The following LRRIQ3 variants were observed in gnomAD, a reference collection of about 807,000 sequenced individuals.
LRRIQ3 encodes leucine-rich repeat and IQ domain-containing protein 3.
In LRRIQ3, 75 loss-of-function variants were observed where a neutral mutation model predicts 59.3. The observed-to-expected ratio is 1.26, with a 90% CI of 1.05 to 1.53. LRRIQ3 has a LOEUF of 1.53. Among genes scored for constraint, LRRIQ3 ranks in the 40% most tolerant of loss-of-function variants. The pLI is 0.00. For synonymous variants in LRRIQ3, 250 were observed against 231.3 expected, an observed-to-expected ratio of 1.08 and a Z score of -0.73; for missense variants, 831 against 710.0, an observed-to-expected ratio of 1.17 and a Z score of -1.94.
intron 4 of LRRIQ3, among the ~76,000 whole-genome samples, chr1:74,126,603 T>C (rs1184405213): frequency 6.6e-6 from 1 of 151,990 alleles, no homozygotes; most frequent in Non-Finnish European, 1.5e-5. Context: ...AATCTGCTCA[T>C]TGACCCACTG....
At chr1:74,053,566 C>T (rs1287085861) in intron 6 of LRRIQ3, among the ~76,000 whole-genome samples, 4 of 151,940 alleles carry the variant, frequency 2.6e-5, no homozygotes, top group Non-Finnish European at 5.9e-5. Context: ...ACTGACTCAC[C>T]CCTGTAATCT....
At chr1:74,122,025 A>C (rs1646865328) in intron 4 of LRRIQ3, among the ~76,000 whole-genome samples, 1 of 151,946 alleles carries the variant, frequency 6.6e-6, no homozygotes, top group Non-Finnish European at 1.5e-5. Context: ...GCTATTGTGA[A>C]TAGTGCCGCA....
chr1:74,119,299 G>A (rs1047000207), intron 4 of LRRIQ3, among the ~76,000 whole-genome samples: 1 of 151,550 alleles, frequency 6.6e-6, no homozygotes. Context: ...ATATTAATGA[G>A]GTTAAAGATC....
chr1:74,053,644 ACCAC>A (rs111858689), intron 6 of LRRIQ3, among the ~76,000 whole-genome samples: 2,345 of 152,210 alleles, frequency 0.015, 46 homozygotes, highest in African/African-American at 0.053. Flanking sequence ...ATATGATGGC[ACCAC>A]TGCACTCCAG....
chr1:74,061,127 A>C (rs1654710646), intron 6 of LRRIQ3, among the ~76,000 whole-genome samples: 1 of 152,106 alleles, frequency 6.6e-6, no homozygotes, highest in South Asian at 2.1e-4. Context: ...TAACATCCTC[A>C]TACTCCAACA....
intron 4 of LRRIQ3, among the ~76,000 whole-genome samples, chr1:74,134,437 C>T (rs943531923): frequency 3.3e-5 from 5 of 151,914 alleles, no homozygotes; most frequent in African/African-American, 1.2e-4. Flanking sequence ...CAGACAGTAA[C>T]TTCAATTCAC....
chr1:74,166,202 G>T (rs1258021504), intron 3 of LRRIQ3, among the ~76,000 whole-genome samples: 2 of 151,344 alleles, frequency 1.3e-5, no homozygotes, highest in African/African-American at 4.8e-5. Context: ...TCTCTTTTGT[G>T]AATTTTAAAA....
At chr1:74,096,165 C>G (rs967216888) in intron 5 of LRRIQ3, among the ~76,000 whole-genome samples, 2 of 151,918 alleles carry the variant, frequency 1.3e-5, no homozygotes, top group South Asian at 4.1e-4. Context: ...GCTTAATAAC[C>G]CAGAGATTTT....
At chr1:74,155,065 A>T (rs957318566) in intron 4 of LRRIQ3, among the ~76,000 whole-genome samples, 1 of 152,234 alleles carries the variant, frequency 6.6e-6, no homozygotes, top group Non-Finnish European at 1.5e-5. Context: ...TGCTTTATCA[A>T]CAAATGTCTG....
At chr1:74,183,378 CTTA>C (rs1650128408) in intron 2 of LRRIQ3, 55 bp downstream of exon 2, 14 of 1,431,772 alleles carry the variant, frequency 9.8e-6, no homozygotes, top group Non-Finnish European at 1.3e-5. Flanking sequence ...AACATAAGTA[CTTA>C]TTATAAGACT....
chr1:74,158,845 G>C (rs1468122476), intron 3 of LRRIQ3, among the ~76,000 whole-genome samples: 1 of 151,996 alleles, frequency 6.6e-6, no homozygotes, highest in Non-Finnish European at 1.5e-5. Context: ...TTAACAATTA[G>C]CTGAAAGGTT....
At chr1:74,027,065 C>A (rs557077826) in intron 7 of LRRIQ3, 96 bp from the exon 8 acceptor site, 4 of 792,610 alleles carry the variant, frequency 5.0e-6, no homozygotes, top group Non-Finnish European at 7.5e-6. Flanking sequence ...TAGATGTCTT[C>A]GAAATAGGCA....
chr1:74,057,612 T>A (rs1654575917), intron 6 of LRRIQ3, among the ~76,000 whole-genome samples: 1 of 152,116 alleles, frequency 6.6e-6, no homozygotes, highest in South Asian at 2.1e-4. Flanking sequence ...CATTAAAGAC[T>A]TATATGTAAG....
At chr1:74,055,970 C>A (rs190312320) in intron 6 of LRRIQ3, among the ~76,000 whole-genome samples, 108 of 151,880 alleles carry the variant, frequency 7.1e-4, no homozygotes, top group African/African-American at 2.5e-3. Context: ...CGGAGAAAGC[C>A]CGTCTCTACT....
chr1:74,050,569 C>A, intron 6 of LRRIQ3: 2 of 985,346 alleles, frequency 2.0e-6, no homozygotes, highest in South Asian at 4.7e-5. Context: ...ATTTATGAAC[C>A]ATCTGTGAAG....
At chr1:74,074,584 G>T in intron 6 of LRRIQ3, 77 bp downstream of exon 6, 1 of 636,922 alleles carries the variant, frequency 1.6e-6, no homozygotes, top group Non-Finnish European at 2.3e-6. Flanking sequence ...AAATCAACAT[G>T]CCCAATTTCT....
rs147213330 is a variant in LRRIQ3 at position 74,183,506 on chromosome 1, T to C, written c.179A>G (p.Asn60Ser). Reference protein sequence around the residue: ...ISLRVCIFSNNFITDIHPLQS... With the variant: ...ISLRVCIFSNSFITDIHPLQS... ...AAGTGGATGAATATCTGTAATAAAA[T>C]TGTTTGAGAAGATGCATACTCTAAG... is the stretch of plus-strand genomic sequence containing the variant. The change falls in exon 2 of 8, where the codon AAT (asparagine) becomes AGT (serine). Residue 60 changes from asparagine (N) to serine (S), a missense_variant. Asn to Ser is a conservative substitution (Grantham distance 46, BLOSUM62 1). Coordinates refer to ENST00000354431, the MANE Select transcript of LRRIQ3 (RefSeq NM_001105659.2). The C allele has an allele frequency of 8.1e-6, 13 of 1,610,918 alleles. No individual in the cohort carries two copies. Among genetic ancestry groups the C allele is most frequent in the African/African-American group, 4.0e-5 (3 of 74,806 alleles).
chr1:74,044,780 T>G (rs1460314432), intron 6 of LRRIQ3, among the ~76,000 whole-genome samples: 1 of 151,990 alleles, frequency 6.6e-6, no homozygotes, highest in African/African-American at 2.4e-5. Context: ...AAAGGGGATA[T>G]CACCACCGAT....
At chr1:74,083,939 G>A (rs1280676820) in intron 5 of LRRIQ3, 1 of 380,548 alleles carries the variant, frequency 2.6e-6, no homozygotes, top group African/African-American at 2.1e-5. Flanking sequence ...TGTAATGTTA[G>A]CTTTCTTATA....
Sources: allele counts gnomAD v4.1 joint callset (sites outside exome capture counted in the v4.1 genomes callset), GRCh38; gene constraint gnomAD v4.1.1; transcripts MANE v1.5; gene names NCBI Gene and HGNC (gene_info 2026-07-23, HGNC 2026-07-21).